Variants in ANKAR observed in about 807,000 individuals in gnomAD.
The protein encoded by ANKAR is ankyrin and armadillo repeat-containing protein.
In ANKAR, 136 loss-of-function variants were observed where a neutral mutation model predicts 146.2. The ratio of observed to expected loss-of-function variants is 0.93; its 90% confidence interval spans 0.81 to 1.07. The LOEUF is 1.07. ANKAR is among the 50% of genes least tolerant of loss of function. The pLI, the probability that ANKAR is intolerant of heterozygous loss-of-function variation, is 0.00. For missense variants in ANKAR, 1,567 were observed against 1,679.9 expected (o/e 0.93, Z 1.18); for synonymous variants, 500 against 575.8 (o/e 0.87, Z 1.88).
rs2046230669 is a variant in ANKAR, at chr2:189,757,348, C to G, written c.*585-3750C>G. Among the ~76,000 whole-genome samples the G allele has an allele frequency of 2.0e-5, 3 of 152,180 alleles. No homozygotes were observed. In the South Asian group the frequency reaches 6.2e-4, roughly 31 times the overall value. On this transcript the variant is annotated intron_variant and NMD_transcript_variant, in intron 18 of 18. Coordinates refer to the ANKAR transcript ENST00000441800. ...GTTTCTGGCTTGGAAGAAGGGACTC[C>G]TCCTGCCAAGTAATCCTCTATTATT...
At chr2:189,697,406 AGTG>A (rs1391871948) in intron 7 of ANKAR, among the ~76,000 whole-genome samples, 1 of 152,080 alleles carries the variant, frequency 6.6e-6, no homozygotes, top group Non-Finnish European at 1.5e-5. Context: ...GGCAATAAGA[AGTG>A]GTGATTTTAT....
At chr2:189,723,966 C>A (rs1418402557) in intron 12 of ANKAR, among the ~76,000 whole-genome samples, 3 of 152,102 alleles carry the variant, frequency 2.0e-5, no homozygotes, top group Non-Finnish European at 4.4e-5. Flanking sequence ...AAATAAAGAT[C>A]AAAACTTCAG....
intron 7 of ANKAR, among the ~76,000 whole-genome samples, chr2:189,697,270 C>T (rs879092746): frequency 1.3e-5 from 2 of 151,410 alleles, no homozygotes; most frequent in East Asian, 1.9e-4. Flanking sequence ...TGGTGGTACA[C>T]GCCTGTAGTC....
At chr2:189,760,301 C>T (rs1476644724) in intron 18 of ANKAR, among the ~76,000 whole-genome samples, 2 of 152,306 alleles carry the variant, frequency 1.3e-5, no homozygotes, top group African/African-American at 4.8e-5. Flanking sequence ...GGCAGCCGGG[C>T]AGAGGGGCTC....
intron 2 of ANKAR, among the ~76,000 whole-genome samples, chr2:189,687,280 A>G (rs985805955): frequency 5.3e-5 from 8 of 152,008 alleles, no homozygotes; most frequent in Non-Finnish European, 5.9e-5. Context: ...AGTTTCATCA[A>G]AGTTGTTGCA....
At chr2:189,683,380 C>G (rs975140919) in intron 2 of ANKAR, among the ~76,000 whole-genome samples, 1 of 152,176 alleles carries the variant, frequency 6.6e-6, no homozygotes, top group African/African-American at 2.4e-5. Context: ...TGGATGGGTT[C>G]CATCAGGAGT....
At chr2:189,691,307 C>T (rs549744701) in intron 3 of ANKAR, among the ~76,000 whole-genome samples, 32 of 152,334 alleles carry the variant, frequency 2.1e-4, no homozygotes, top group African/African-American at 7.0e-4. Flanking sequence ...CCACCCGCCT[C>T]GGCCTCCCAG....
At chr2:189,716,239 A>G (rs574628222) in intron 10 of ANKAR, among the ~76,000 whole-genome samples, 1,631 of 152,340 alleles carry the variant, frequency 0.011, 30 homozygotes, top group African/African-American at 0.037. Flanking sequence ...ACTTCAGCAA[A>G]CTCTCAGGAT....
At chr2:189,697,662 T>C (rs2037419832) in intron 7 of ANKAR, among the ~76,000 whole-genome samples, 1 of 152,142 alleles carries the variant, frequency 6.6e-6, no homozygotes, top group South Asian at 2.1e-4. Context: ...TATTTAAAGA[T>C]GTATTACTTT....
At chr2:189,704,966 G>GTT in intron 7 of ANKAR, 57 bp from the exon 8 acceptor site, 1 of 1,529,284 alleles carries the variant, frequency 6.5e-7, no homozygotes, top group Non-Finnish European at 9.0e-7. Flanking sequence ...AGGCATTTAG[G>GTT]TTTTTTTTAG....
Position 189,744,904 on chromosome 2 carries a change from T to C in ANKAR, c.4057+116T>C, listed in dbSNP as rs1011548842. The C allele has an allele frequency of 5.4e-6, 4 of 745,768 alleles. No individual in the cohort carries two copies. In the East Asian group the frequency reaches 1.2e-4, roughly 22 times the overall value. 46.2% of individuals were successfully genotyped at this position (745,768 alleles called of 1,614,324 possible). A position where few individuals can be genotyped will look rare whatever the true frequency, so the allele number is the denominator to read the frequency against. ...CGGGCACAGTGGCTCATGCCTGTAA[T>C]CCCAGCACTTTGGGAGGCCGAGGTG... On this transcript the variant is annotated intron_variant, in intron 22 of 22. Coordinates refer to ENST00000684021, the MANE Select transcript of ANKAR (RefSeq NM_001378068.1).
rs575609358 is a variant in ANKAR at position 189,714,925 on chromosome 2, G to A, written c.2224+3772G>A. Among the ~76,000 whole-genome samples the A allele has an allele frequency of 1.1e-4, 14 of 128,860 alleles. 1 individual carries two copies. The East Asian group carries it at 1.5e-3, about 14-fold the overall frequency. 84.5% of individuals were successfully genotyped at this position (128,860 alleles called of 152,430 possible). A position where few individuals can be genotyped will look rare whatever the true frequency, so the allele number is the denominator to read the frequency against. On this transcript the variant is annotated intron_variant, in intron 10 of 22. Coordinates refer to ENST00000684021, the MANE Select transcript of ANKAR (RefSeq NM_001378068.1). Reference sequence around the variant, plus strand: ...CATGCCACTGCACTCCAGCCTGGGCGACAGAGTGAGACTCCATCTCACAAA... The same window carrying A: ...CATGCCACTGCACTCCAGCCTGGGCAACAGAGTGAGACTCCATCTCACAAA...
intron 11 of ANKAR, among the ~76,000 whole-genome samples, chr2:189,720,129 T>G (rs2041059679): frequency 6.6e-6 from 1 of 152,250 alleles, no homozygotes; most frequent in Non-Finnish European, 1.5e-5. Flanking sequence ...CTCATTTGCT[T>G]CACTTAGATA....
chr2:189,737,924 GA>G, intron 18 of ANKAR, 83 bp downstream of exon 18: 2 of 1,324,364 alleles, frequency 1.5e-6, no homozygotes, highest in Non-Finnish European at 2.0e-6. Context: ...TGGAGGCCCA[GA>G]AAAACGTTTA....
chr2:189,738,799 C>T (rs184278098), intron 19 of ANKAR, 117 bp downstream of exon 19: 284 of 609,832 alleles, frequency 4.7e-4, no homozygotes, highest in South Asian at 6.9e-4. Flanking sequence ...GTTTAAAGAA[C>T]GAACTTATGT....
intron 18 of ANKAR, among the ~76,000 whole-genome samples, chr2:189,760,366 C>A (rs1056523525): frequency 6.6e-6 from 1 of 151,902 alleles, no homozygotes; most frequent in Non-Finnish European, 1.5e-5. Context: ...TAAGACGGGG[C>A]GGCTGCCGGG....
At chr2:189,721,145 G>A (rs1056106047) in intron 12 of ANKAR, among the ~76,000 whole-genome samples, 1 of 151,892 alleles carries the variant, frequency 6.6e-6, no homozygotes, top group Admixed American at 6.6e-5. Context: ...GCACCACCAC[G>A]TCCGGCTAAT....
chr2:189,752,728 A>C (rs2045470770), intron 18 of ANKAR: 6 of 1,613,808 alleles, frequency 3.7e-6, no homozygotes, highest in Admixed American at 1.7e-5. Context: ...ACCATTCCTA[A>C]ATAAGAAGCA....
intron 4 of ANKAR, 156 bp downstream of exon 4, chr2:189,692,574 A>G (rs553440450): frequency 9.6e-6 from 6 of 627,932 alleles, no homozygotes; most frequent in South Asian, 2.3e-5. Context: ...TTTAACATCA[A>G]TGAATTAAGT....
Sources: gnomAD v4.1 joint callset for allele counts (sites outside exome capture counted in the v4.1 genomes callset) on GRCh38, gnomAD v4.1.1 for gene constraint, MANE v1.5 for transcripts, NCBI Gene and HGNC (gene_info 2026-07-23, HGNC 2026-07-21) for gene names.